USP4: variants seen among roughly 807,000 people sequenced by gnomAD.
USP4 encodes the protein ubiquitin carboxyl-terminal hydrolase 4.
USP4 carries 72 observed loss-of-function variants against 118.2 expected under a neutral mutation model. The ratio of observed to expected loss-of-function variants is 0.61; its 90% confidence interval spans 0.50 to 0.74. The LOEUF (loss-of-function observed/expected upper bound fraction) is 0.74. Among genes scored for constraint, USP4 ranks in the 30% least tolerant of loss-of-function variants. The pLI, the probability that USP4 is intolerant of heterozygous loss-of-function variation, is 0.00. For synonymous variants in USP4, 415 were observed against 440.4 expected (o/e 0.94, Z 0.72); for missense variants, 1,037 against 1,185.7 (o/e 0.87, Z 1.84).
chr3:49,300,243 CAA>C (rs376971750), intron 11 of USP4, among the ~76,000 whole-genome samples: 2 of 134,940 alleles, frequency 1.5e-5, no homozygotes, highest in Non-Finnish European at 3.2e-5. Context: ...GACTCTGTCT[CAA>C]AAAAAAAAAA....
At chr3:49,318,115 C>T (rs188298156) in intron 6 of USP4, among the ~76,000 whole-genome samples, 83 of 152,328 alleles carry the variant, frequency 5.4e-4, no homozygotes, top group African/African-American at 1.8e-3. Flanking sequence ...GGATTATAGG[C>T]ATGAGCCACC....
intron 19 of USP4, among the ~76,000 whole-genome samples, chr3:49,281,499 C>T (rs1194664904): frequency 1.4e-4 from 20 of 141,978 alleles, no homozygotes; most frequent in African/African-American, 4.4e-4. Flanking sequence ...TATACACACA[C>T]ACACACACAC....
intron 15 of USP4, 94 bp from the exon 16 acceptor site, chr3:49,286,419 G>A (rs1292986002): frequency 3.9e-6 from 5 of 1,281,484 alleles, no homozygotes; most frequent in Non-Finnish European, 2.2e-6. Flanking sequence ...TTTCCTTCCA[G>A]ATTTTGTTCT....
chr3:49,318,431 T>C (rs2047463693), intron 6 of USP4: 2 of 985,482 alleles, frequency 2.0e-6, no homozygotes, highest in Non-Finnish European at 2.4e-6. Flanking sequence ...AAGGGCCTTA[T>C]AGACCTCAGG....
intron 11 of USP4, among the ~76,000 whole-genome samples, chr3:49,299,282 G>T (rs2047240028): frequency 6.6e-6 from 1 of 150,916 alleles, no homozygotes; most frequent in Non-Finnish European, 1.5e-5. Context: ...TACAGACAGG[G>T]TTTCACCATG....
At chr3:49,316,697 G>A (rs2047440255) in intron 6 of USP4, 1 of 252,674 alleles carries the variant, frequency 4.0e-6, no homozygotes, top group Middle Eastern at 1.3e-3. Flanking sequence ...CAGGCCACAG[G>A]GGTGAGCCCT....
chr3:49,332,138 G>A (rs2047624129), intron 2 of USP4, among the ~76,000 whole-genome samples: 1 of 151,936 alleles, frequency 6.6e-6, no homozygotes, highest in Non-Finnish European at 1.5e-5. Flanking sequence ...TTAGCTGGGT[G>A]TGGTGGCAGG....
chr3:49,295,714 G>GCGCGCGCGCACACACACA (rs149459963), intron 13 of USP4, among the ~76,000 whole-genome samples: 1 of 148,320 alleles, frequency 6.7e-6, no homozygotes, highest in African/African-American at 2.6e-5. Flanking sequence ...GCGCGCGCGC[G>GCGCGCGCGCACACACACA]CACACACACA....
At chr3:49,290,971 C>G (rs2047145362) in intron 15 of USP4, among the ~76,000 whole-genome samples, 1 of 151,764 alleles carries the variant, frequency 6.6e-6, no homozygotes, top group Admixed American at 6.6e-5. Flanking sequence ...AATCAAGACC[C>G]TACGCTTTTT....
Position 49,280,801 on chromosome 3 carries a change from A to G in USP4, c.2587T>C (p.Tyr863His). ...EFVCNLSARPYVYDLIAVSNH... is the reference protein window; with the variant it reads ...EFVCNLSARPHVYDLIAVSNH... ...GACACGGCAATGAGGTCGTACACATAAGGCCTTGCTGACAGGTTACAGACA... is the reference window on the plus strand; with the variant it reads ...GACACGGCAATGAGGTCGTACACATGAGGCCTTGCTGACAGGTTACAGACA... Residue 863 changes from tyrosine to histidine, a missense_variant, in exon 20 of 22, where the codon TAT becomes CAT. By Grantham distance (83) the Tyr-to-His change is moderately conservative (BLOSUM62 2). Coordinates refer to ENST00000265560, the MANE Select transcript of USP4 (RefSeq NM_003363.4). 1 of 1,614,170 alleles carries G rather than the reference A, an allele frequency of 6.2e-7. No individual in the cohort carries two copies. Among genetic ancestry groups the G allele is most frequent in the South Asian group, 1.1e-5 (1 of 91,080 alleles).
intron 6 of USP4, among the ~76,000 whole-genome samples, chr3:49,319,582 A>T (rs2107794927): frequency 7.0e-6 from 1 of 142,024 alleles, no homozygotes; most frequent in African/African-American, 2.6e-5. Flanking sequence ...TCTTTGACAC[A>T]CAATGTATTA....
chr3:49,329,247 A>C (rs2047588835), intron 2 of USP4, among the ~76,000 whole-genome samples: 1 of 152,168 alleles, frequency 6.6e-6, no homozygotes, highest in South Asian at 2.1e-4. Flanking sequence ...TTCACTTCTA[A>C]TTCTAGTTCT....
At chr3:49,322,131 C>T (rs756139428) in intron 6 of USP4, among the ~76,000 whole-genome samples, 2 of 152,196 alleles carry the variant, frequency 1.3e-5, no homozygotes, top group Admixed American at 1.3e-4. Context: ...ACGATTCAGT[C>T]GCAATTCTTC....
At chr3:49,321,706 T>C (rs1412468697) in intron 6 of USP4, among the ~76,000 whole-genome samples, 1 of 152,140 alleles carries the variant, frequency 6.6e-6, no homozygotes, top group East Asian at 1.9e-4. Flanking sequence ...ATTATTGATT[T>C]TTTTTGGCCG....
Position 49,315,768 on chromosome 3 carries a change from A to T in USP4, c.696-4114T>A, listed in dbSNP as rs79614822. 1.9e-3 allele frequency among the ~76,000 whole-genome samples: 286 copies of T among 152,288 alleles called. 9 individuals carry two copies. The East Asian group carries it at 0.049, about 26-fold the overall frequency. On this transcript the variant is annotated intron_variant, in intron 6 of 21. Coordinates refer to ENST00000265560, the MANE Select transcript of USP4 (RefSeq NM_003363.4). ...GCCTGATACCATGGTGGGACCCTGTAACATCCCTGTGCCCAGGCCCAAAGT... is the reference window on the plus strand; with the variant it reads ...GCCTGATACCATGGTGGGACCCTGTTACATCCCTGTGCCCAGGCCCAAAGT...
At chr3:49,300,431 C>A (rs766296744) in intron 11 of USP4, 36 bp downstream of exon 11, 2 of 1,590,214 alleles carry the variant, frequency 1.3e-6, no homozygotes, top group Non-Finnish European at 1.7e-6. Flanking sequence ...AGACCACTTG[C>A]AGTGAGGGGT....
chr3:49,298,712 C>A, intron 11 of USP4, 77 bp from the exon 12 acceptor site: 3 of 1,303,252 alleles, frequency 2.3e-6, no homozygotes, highest in Non-Finnish European at 2.2e-6. Flanking sequence ...GCAGGCATCA[C>A]TAGGGGCAGA....
chr3:49,326,719 T>C (rs1342944059), intron 3 of USP4, among the ~76,000 whole-genome samples: 1 of 148,012 alleles, frequency 6.8e-6, no homozygotes, highest in African/African-American at 2.5e-5. Flanking sequence ...TTTTTTTTTT[T>C]TGCAACCGAG....
At chr3:49,323,124 C>T (rs1166226901) in intron 6 of USP4, among the ~76,000 whole-genome samples, 2 of 151,672 alleles carry the variant, frequency 1.3e-5, no homozygotes, top group African/African-American at 2.4e-5. Context: ...TGCACCACCA[C>T]GCCTGGCTAA....
Sources: allele counts gnomAD v4.1 joint callset (sites outside exome capture counted in the v4.1 genomes callset), GRCh38; gene constraint gnomAD v4.1.1; transcripts MANE v1.5; gene names NCBI Gene and HGNC (gene_info 2026-07-23, HGNC 2026-07-21).